Variants in CDH13 observed in about 807,000 individuals in gnomAD.
CDH13 encodes the protein cadherin-13.
A neutral mutation model predicts 63.8 loss-of-function variants in CDH13; 24 were observed. The ratio of observed to expected loss-of-function variants is 0.38; its 90% CI spans 0.27 to 0.53. CDH13 has a LOEUF of 0.53. Among genes scored for constraint, CDH13 ranks in the 20% least tolerant of loss-of-function variants. CDH13 has a pLI of 0.85. For missense variants in CDH13, 1,049 were observed against 903.1 expected, an observed-to-expected ratio of 1.16 and a Z score of -2.07; for synonymous variants, 503 against 355.3, an observed-to-expected ratio of 1.42 and a Z score of -4.67.
chr16:82,856,511 G>A (rs1293356665), intron 1 of CDH13, among the ~76,000 whole-genome samples: 1 of 151,406 alleles, frequency 6.6e-6, no homozygotes, highest in Non-Finnish European at 1.5e-5. Flanking sequence ...AGAGCAGCCT[G>A]TGCAACATAG....
chr16:83,671,755 T>A (rs1405971667), intron 9 of CDH13, among the ~76,000 whole-genome samples: 8 of 152,188 alleles, frequency 5.3e-5, no homozygotes, highest in Admixed American at 4.6e-4. Flanking sequence ...CTGTGACCCT[T>A]GCTAACTCAC....
At position 83,783,375 on chromosome 16, in the gene CDH13, G is replaced by A. The variant is rs746930758; in HGVS notation, c.2037G>A (p.Val679=). ...ATATCACAGATCTCAGGGTACAAGT[G>A]TGCTCCTGCAGGAATTCCAAAGTGG... ...MTNITDLRVQ[V]CSCRNSKVDC... The change falls in exon 13 of 14, where the codon GTG becomes GTA. Residue 679 remains valine (V), a synonymous_variant. Transcript: ENST00000567109. 6.2e-7 allele frequency: 1 copy of A among 1,613,990 alleles called. No homozygotes were observed. Among genetic ancestry groups the A allele is most frequent in the Non-Finnish European group, 8.5e-7 (1 of 1,179,882 alleles).
chr16:83,212,262 C>T (rs374414575), intron 4 of CDH13, among the ~76,000 whole-genome samples: 12 of 152,240 alleles, frequency 7.9e-5, no homozygotes, highest in African/African-American at 2.6e-4. Context: ...TACCTCCCAT[C>T]CCCCAGTTCG....
chr16:82,735,941 C>T (rs1162358585), intron 1 of CDH13, among the ~76,000 whole-genome samples: 2 of 152,206 alleles, frequency 1.3e-5, no homozygotes. Context: ...AGACGCTATA[C>T]TCACTAGGCT....
rs565358370 is a variant in CDH13, at chr16:83,798,321, A to T, written c.*3291A>T. 49 of 152,334 alleles carry T rather than the reference A, an allele frequency of 3.2e-4. No individual in the cohort carries two copies. Among genetic ancestry groups the T allele is most frequent in the African/African-American group, 1.1e-3 (45 of 41,566 alleles). 9.4% of individuals were successfully genotyped at this position (152,334 alleles called of 1,614,324 possible). On this transcript the variant is annotated 3_prime_UTR_variant, in exon 14 of 14. Transcript: ENST00000567109. ...TTGCACCCAGGCACGAGCTCTCCAG[A>T]TGATTCTGAGGAAAGGAGTCTACAA...
chr16:83,493,816 T>C (rs1211728448), intron 7 of CDH13, among the ~76,000 whole-genome samples: 1 of 152,058 alleles, frequency 6.6e-6, no homozygotes, highest in African/African-American at 2.4e-5. Flanking sequence ...GGACAGAAAA[T>C]GAGTTAAGCT....
intron 1 of CDH13, among the ~76,000 whole-genome samples, chr16:82,707,792 C>G (rs1210240954): frequency 6.6e-6 from 1 of 152,196 alleles, no homozygotes; most frequent in Non-Finnish European, 1.5e-5. Flanking sequence ...GCCTCTTGGA[C>G]TACCATCTGT....
chr16:83,135,979 C>G (rs2036263117), intron 4 of CDH13, among the ~76,000 whole-genome samples: 1 of 151,946 alleles, frequency 6.6e-6, no homozygotes, highest in Non-Finnish European at 1.5e-5. Context: ...TATGAGGACG[C>G]AAAAGCATAG....
At chr16:83,208,109 G>C (rs4453476) in intron 4 of CDH13, among the ~76,000 whole-genome samples, 143,286 of 152,222 alleles carry the variant, frequency 0.94, 67,707 homozygotes, top group East Asian at 1. Context: ...ACAGCCCTAG[G>C]TGGCGTGAGC....
chr16:83,321,745 G>T (rs1042083943), intron 5 of CDH13, among the ~76,000 whole-genome samples: 2 of 151,974 alleles, frequency 1.3e-5, no homozygotes, highest in African/African-American at 4.8e-5. Context: ...AGCCAGGATG[G>T]TCTCGATCTC....
intron 10 of CDH13, among the ~76,000 whole-genome samples, chr16:83,699,734 A>C (rs546995654): frequency 3.3e-5 from 5 of 152,222 alleles, no homozygotes; most frequent in Admixed American, 6.5e-5. Context: ...TGGAAAGGGC[A>C]GTTACATCAC....
At chr16:83,567,583 G>A (rs9929601) in intron 7 of CDH13, among the ~76,000 whole-genome samples, 1,851 of 152,062 alleles carry the variant, frequency 0.012, 31 homozygotes, top group African/African-American at 0.043. Flanking sequence ...TTCTTTGTTC[G>A]TCTGTTGTTT....
rs146915426 is a variant in CDH13, at chr16:83,031,324, T to C, written c.158-686T>C. Among the ~76,000 whole-genome samples, 244 of 141,236 alleles carry C rather than the reference T, an allele frequency of 1.7e-3. 1 individual carries two copies. The highest frequency in any genetic ancestry group is 6.0e-3 in the African/African-American group (232 of 38,798). 92.7% of individuals were successfully genotyped at this position (141,236 alleles called of 152,430 possible). ...ATCCATGCGCATGCATAGGCATGTA[T>C]ATATATGTATATGTATACACGTATA... On this transcript the variant is annotated intron_variant, in intron 2 of 13. Coordinates refer to ENST00000567109, the MANE Select transcript of CDH13 (RefSeq NM_001257.5).
chr16:82,998,862 C>CTTTTT (rs200853526), intron 2 of CDH13, among the ~76,000 whole-genome samples: 11,123 of 128,136 alleles, frequency 0.087, 652 homozygotes, highest in African/African-American at 0.14. Context: ...CCCCTTGATC[C>CTTTTT]TTTTTTTTTT....
intron 3 of CDH13, among the ~76,000 whole-genome samples, chr16:83,042,120 C>T (rs972155689): frequency 6.6e-6 from 1 of 152,218 alleles, no homozygotes; most frequent in Non-Finnish European, 1.5e-5. Flanking sequence ...ACCCGACACG[C>T]TGCAGACATG....
At chr16:83,338,055 C>A (rs1191717237) in intron 5 of CDH13, among the ~76,000 whole-genome samples, 1 of 151,896 alleles carries the variant, frequency 6.6e-6, no homozygotes, top group Non-Finnish European at 1.5e-5. Flanking sequence ...GCTTTGACAC[C>A]ATGGACCAGG....
At chr16:82,735,100 C>G (rs916975041) in intron 1 of CDH13, among the ~76,000 whole-genome samples, 1 of 152,160 alleles carries the variant, frequency 6.6e-6, no homozygotes, top group East Asian at 1.9e-4. Context: ...CATATATTCT[C>G]CATGGCCTAA....
intron 1 of CDH13, among the ~76,000 whole-genome samples, chr16:82,658,956 C>G (rs901272036): frequency 6.6e-6 from 1 of 152,172 alleles, no homozygotes; most frequent in Non-Finnish European, 1.5e-5. Flanking sequence ...CTATTGTGAG[C>G]ATAGTTCCTA....
chr16:83,763,311 C>T (rs917884878), intron 11 of CDH13, among the ~76,000 whole-genome samples: 8 of 152,156 alleles, frequency 5.3e-5, no homozygotes, highest in African/African-American at 1.9e-4. Flanking sequence ...TATATCATGT[C>T]CCAGCCTGTC....
Sources: allele counts gnomAD v4.1 joint callset (sites outside exome capture counted in the v4.1 genomes callset), GRCh38; gene constraint gnomAD v4.1.1; transcripts MANE v1.5; gene names NCBI Gene and HGNC (gene_info 2026-07-23, HGNC 2026-07-21).